Variants in SYNE2 observed in about 807,000 individuals in gnomAD.
The protein encoded by SYNE2 is spectrin repeat containing nuclear envelope protein 2.
SYNE2 carries 431 observed loss-of-function variants against 856.3 expected under a neutral mutation model. The observed-to-expected ratio is 0.50, with a 90% CI of 0.47 to 0.55. SYNE2 has a LOEUF of 0.55. Ranked by LOEUF, SYNE2 falls within the 20% of genes least tolerant of loss-of-function variation. The pLI, the probability that SYNE2 is intolerant of heterozygous loss-of-function variation, is 0.00. For missense variants in SYNE2, 8,129 were observed against 8,023.2 expected, an observed-to-expected ratio of 1.01 and a Z score of -0.50; for synonymous variants, 2,923 against 2,872.3, an observed-to-expected ratio of 1.02 and a Z score of -0.56.
rs1359381023 is a variant in SYNE2 at position 63,941,916 on chromosome 14, G to A, written c.269G>A (p.Cys90Tyr). Residue 90 changes from cysteine (C) to tyrosine (Y), a missense_variant, in exon 5 of 116, where the codon TGT becomes TAT. This residue lies in a region of SYNE2 where 2,422 missense variants were observed against 2,357.4 expected (regional missense o/e 1.03). Transcript: ENST00000555002. ...PRDKGSNTFQ[C>Y]RINIEHALTF... ...GATAAAGGATCTAATACCTTCCAGT[G>A]TAGAATCAATATAGAACATGCCTTG... 1.2e-6 allele frequency: 2 copies of A among 1,613,200 alleles called. No homozygotes were observed. Among genetic ancestry groups the A allele is most frequent in the African/African-American group, 1.3e-5 (1 of 74,916 alleles).
Position 64,024,573 on chromosome 14 carries a change from A to G in SYNE2, c.5840+114A>G, listed in dbSNP as rs563809190. Reference sequence around the variant, plus strand: ...GCAGTACACACAAATTTCACACACAAAAGGCGTACTTTTCAATCCAGGTTT... The same window carrying G: ...GCAGTACACACAAATTTCACACACAGAAGGCGTACTTTTCAATCCAGGTTT... On this transcript the variant is annotated intron_variant, in intron 39 of 115. Transcript: ENST00000555002. The G allele has an allele frequency of 9.7e-6, 10 of 1,027,114 alleles. No individual in the cohort carries two copies. The East Asian group carries it at 2.6e-4, about 27-fold the overall frequency. The allele number at this position is 1,027,114 out of a possible 1,614,324, so 63.6% of individuals were successfully genotyped here.
chr14:64,001,111 A>G (rs1039732591), intron 28 of SYNE2, among the ~76,000 whole-genome samples: 2 of 152,160 alleles, frequency 1.3e-5, no homozygotes, highest in Admixed American at 6.5e-5. Flanking sequence ...TATCCCCAGC[A>G]TATATTCCTA....
At chr14:63,870,735 T>C (rs965252315) in intron 1 of SYNE2, among the ~76,000 whole-genome samples, 2 of 151,552 alleles carry the variant, frequency 1.3e-5, no homozygotes, top group Non-Finnish European at 2.9e-5. Context: ...GGGGTCAGAC[T>C]GATTTCAGAA....
intron 6 of SYNE2, among the ~76,000 whole-genome samples, chr14:63,947,916 G>A (rs1485444762): frequency 1.3e-5 from 2 of 151,932 alleles, no homozygotes; most frequent in Non-Finnish European, 2.9e-5. Flanking sequence ...ACATGAAGTC[G>A]CCCTATATGT....
chr14:64,029,936 T>G lies in SYNE2; in HGVS notation c.6756T>G (p.Asp2252Glu), dbSNP rs202153501. The change falls in exon 44 of 116, where the codon GAT becomes GAG. Residue 2252 changes from aspartate to glutamate, a missense_variant. This residue lies in a region of SYNE2 where 297 missense variants were observed against 380.9 expected (regional missense o/e 0.78). Transcript: ENST00000555002. The stretch of plus-strand genomic sequence containing the variant: ...TGGACGGTCACGTTCGAGAACATGA[T>G]TCATACCAGGTTTGCGTCACAGACC... ...QNLDGHVREH[D>E]SYQVCVTDLN... 1.2e-5 allele frequency: 20 copies of G among 1,613,984 alleles called. No homozygotes were observed. The highest frequency in any genetic ancestry group is 1.5e-5 in the Non-Finnish European group (18 of 1,180,002).
intron 81 of SYNE2, 141 bp from the exon 82 acceptor site, chr14:64,141,801 A>G: frequency 8.6e-7 from 1 of 1,157,854 alleles, no homozygotes; most frequent in South Asian, 1.5e-5. Context: ...CTAAGTTTGA[A>G]TGCTGGGTTT....
chr14:63,798,581 A>C (rs191458261), intron 1 of SYNE2, among the ~76,000 whole-genome samples: 130 of 151,914 alleles, frequency 8.6e-4, no homozygotes, highest in African/African-American at 3.0e-3. Context: ...TTTAGTAGAC[A>C]CGGGGTTTCA....
At chr14:64,019,377 T>A (rs1332876390) in intron 34 of SYNE2, among the ~76,000 whole-genome samples, 1 of 152,214 alleles carries the variant, frequency 6.6e-6, no homozygotes, top group African/African-American at 2.4e-5. Context: ...ATGCCTCAGA[T>A]CTCGTTTTGT....
rs1034276131 is a variant in SYNE2, at chr14:63,942,810, T to C, written c.408+667T>C. Among the ~76,000 whole-genome samples the C allele has an allele frequency of 3.3e-5, 5 of 152,050 alleles. No individual in the cohort carries two copies. In the South Asian group the frequency reaches 1.0e-3, roughly 32 times the overall value. ...ATGCCCGGCCTAATTTTTGTATATT[T>C]TGTAGAGATGGGGTTTCATCATGTT... is the stretch of plus-strand genomic sequence containing the variant. On this transcript the variant is annotated intron_variant, in intron 6 of 115. Coordinates refer to ENST00000555002, the MANE Select transcript of SYNE2 (RefSeq NM_182914.3).
At position 64,122,060 on chromosome 14, in the gene SYNE2, G is replaced by C. The variant is rs2097902608; in HGVS notation, c.13207G>C (p.Glu4403Gln). ...ACAGAAAGATTTCATCAAATTCATA[G>C]AATTTAATGCTAAGAAAATGTGGCC... ...MEQKDFIKFI[E>Q]FNAKKMWPQY... The change falls in exon 69 of 116, where the codon GAA (glutamate) becomes CAA (glutamine). Residue 4403 changes from glutamate to glutamine, a missense_variant. By Grantham distance (29) the Glu-to-Gln change is conservative. This residue lies in a region of SYNE2 where 5,410 missense variants were observed against 5,284.8 expected (regional missense o/e 1.02). Transcript: ENST00000555002. 1.2e-6 allele frequency: 2 copies of C among 1,613,826 alleles called. No individual in the cohort carries two copies. Among genetic ancestry groups the C allele is most frequent in the Non-Finnish European group, 1.7e-6 (2 of 1,180,014 alleles).
At chr14:63,913,295 T>C (rs1432050489) in intron 2 of SYNE2, among the ~76,000 whole-genome samples, 8 of 151,992 alleles carry the variant, frequency 5.3e-5, no homozygotes, top group Admixed American at 4.6e-4. Flanking sequence ...GAGGATGGTG[T>C]TGGACTGTTT....
intron 1 of SYNE2, among the ~76,000 whole-genome samples, chr14:63,785,200 C>T (rs529114076): frequency 6.6e-6 from 1 of 152,162 alleles, no homozygotes; most frequent in East Asian, 1.9e-4. Context: ...GTGGCTCACA[C>T]CTGTAATCCC....
chr14:64,126,584 C>T lies in SYNE2; in HGVS notation c.13708-14C>T. Reference sequence around the variant, plus strand: ...TCAGAGCTCATTCATTGTCTTCCTTCCTCTCCACTCCAGACGCTGGCTCTT... The same window carrying T: ...TCAGAGCTCATTCATTGTCTTCCTTTCTCTCCACTCCAGACGCTGGCTCTT... On this transcript the variant is annotated splice_polypyrimidine_tract_variant and intron_variant, in intron 72 of 115. Coordinates refer to ENST00000555002, the MANE Select transcript of SYNE2 (RefSeq NM_182914.3). 1.2e-6 allele frequency: 2 copies of T among 1,614,178 alleles called. No individual in the cohort carries two copies. The highest frequency in any genetic ancestry group is 8.5e-7 in the Non-Finnish European group (1 of 1,180,024).
chr14:63,844,816 G>A (rs1021634230), intron 1 of SYNE2, among the ~76,000 whole-genome samples: 8 of 152,190 alleles, frequency 5.3e-5, no homozygotes, highest in East Asian at 3.9e-4. Context: ...AGGCCAAGGC[G>A]AGAGAATCTC....
At chr14:63,984,972 G>A (rs1429556834) in intron 18 of SYNE2, among the ~76,000 whole-genome samples, 9 of 152,128 alleles carry the variant, frequency 5.9e-5, no homozygotes, top group Admixed American at 1.3e-4. Flanking sequence ...CCTGGGCAAC[G>A]TAGTGAAACC....
At chr14:63,994,541 C>T (rs1256098913) in intron 22 of SYNE2, among the ~76,000 whole-genome samples, 2 of 152,180 alleles carry the variant, frequency 1.3e-5, no homozygotes, top group Non-Finnish European at 1.5e-5. Context: ...CCTCTGTTAT[C>T]AGCATCTTAC....
intron 64 of SYNE2, 150 bp downstream of exon 64, chr14:64,102,192 C>G (rs142814954): frequency 1.6e-6 from 1 of 629,804 alleles, no homozygotes; most frequent in Non-Finnish European, 2.9e-6. Context: ...TCTCAGCTCA[C>G]TGCAACCTCC....
At position 64,198,640 on chromosome 14, in the gene SYNE2, C is replaced by T. The variant is rs1034112354; in HGVS notation, c.18039-4161C>T. Among the ~76,000 whole-genome samples the T allele has an allele frequency of 2.6e-5, 4 of 152,158 alleles. No individual in the cohort carries two copies. The East Asian group carries it at 5.8e-4, about 22-fold the overall frequency. ...CTTCTTTTCCTTCCCTCCCACCTTCCCCCCCTCTTTAACTTGCACTAAGTA... is the reference window on the plus strand; with the variant it reads ...CTTCTTTTCCTTCCCTCCCACCTTCTCCCCCTCTTTAACTTGCACTAAGTA... On this transcript the variant is annotated intron_variant, in intron 99 of 115. Transcript: ENST00000555002.
chr14:64,155,575 TAA>T (rs562563652), intron 85 of SYNE2, among the ~76,000 whole-genome samples: 6 of 131,746 alleles, frequency 4.6e-5, no homozygotes, highest in South Asian at 2.5e-4. Flanking sequence ...TTCAATAAAG[TAA>T]AAAAAAAAAA....
Sources: allele counts gnomAD v4.1 joint callset (sites outside exome capture counted in the v4.1 genomes callset), GRCh38; gene constraint gnomAD v4.1.1; regional missense constraint gnomAD v4.1.1; transcripts MANE v1.5; gene names NCBI Gene and HGNC (gene_info 2026-07-23, HGNC 2026-07-21).